RABGAP1L: variants seen among roughly 807,000 people sequenced by gnomAD.
RABGAP1L encodes rab GTPase-activating protein 1-like.
A neutral mutation model predicts 137.7 loss-of-function variants in RABGAP1L; 63 were observed. The ratio of observed to expected loss-of-function variants is 0.46; its 90% CI spans 0.37 to 0.56. The LOEUF (loss-of-function observed/expected upper bound fraction) is 0.56. Among genes scored for constraint, RABGAP1L ranks in the 20% least tolerant of loss-of-function variants. RABGAP1L has a pLI of 0.00. For missense variants in RABGAP1L, 1,095 were observed against 1,244.0 expected, an observed-to-expected ratio of 0.88 and a Z score of 1.80; for synonymous variants, 431 against 433.7, an observed-to-expected ratio of 0.99 and a Z score of 0.08.
intron 1 of RABGAP1L, among the ~76,000 whole-genome samples, chr1:174,183,279 G>A (rs1327218975): frequency 6.6e-6 from 1 of 152,108 alleles, no homozygotes; most frequent in Non-Finnish European, 1.5e-5. Flanking sequence ...TCACTCTTTT[G>A]CCCAGGCCCT....
chr1:174,496,433 C>T (rs1314299614), intron 13 of RABGAP1L, among the ~76,000 whole-genome samples: 2 of 152,154 alleles, frequency 1.3e-5, no homozygotes, highest in Non-Finnish European at 2.9e-5. Context: ...AGAAAGACGA[C>T]CCTCTAAGGG....
At chr1:174,620,076 C>G (rs1672297846) in intron 13 of RABGAP1L, among the ~76,000 whole-genome samples, 1 of 150,036 alleles carries the variant, frequency 6.7e-6, no homozygotes, top group Non-Finnish European at 1.5e-5. Context: ...ATCAATTCAA[C>G]AAGAATAACT....
intron 18 of RABGAP1L, among the ~76,000 whole-genome samples, chr1:174,782,774 G>C (rs1327482619): frequency 6.6e-6 from 1 of 151,956 alleles, no homozygotes; most frequent in Non-Finnish European, 1.5e-5. Flanking sequence ...CTTTAAACAC[G>C]GGGCTTGTAA....
intron 13 of RABGAP1L, chr1:174,544,733 G>GT (rs1324521230): frequency 1.3e-5 from 2 of 152,264 alleles, no homozygotes; most frequent in African/African-American, 4.8e-5. Flanking sequence ...CGTCTTTGTG[G>GT]TTTTATCTAC....
chr1:174,619,535 A>C (rs1572547909), intron 13 of RABGAP1L, among the ~76,000 whole-genome samples: 1 of 152,322 alleles, frequency 6.6e-6, no homozygotes, highest in Middle Eastern at 3.4e-3. Context: ...TATCCAGCCA[A>C]ACTAAGCTTC....
intron 13 of RABGAP1L, among the ~76,000 whole-genome samples, chr1:174,569,443 TG>T (rs1414900815): frequency 1.3e-5 from 2 of 152,154 alleles, no homozygotes; most frequent in African/African-American, 4.8e-5. Flanking sequence ...TGGATCCCTA[TG>T]GAACTTGGAA....
rs1435640520 is a variant in RABGAP1L, at chr1:174,540,169, G to GTT, written c.1711-97205_1711-97204dup. On this transcript the variant is annotated intron_variant, in intron 13 of 25. Transcript: ENST00000681986. The stretch of plus-strand genomic sequence containing the variant: ...GATTTTTTCTTGTAAATTTGTTTAA[G>GTT]TTCTTTGTAGATTCTGGATATTAGC... Among the ~76,000 whole-genome samples, 27 of 152,140 alleles carry GTT rather than the reference G, an allele frequency of 1.8e-4. 1 individual carries two copies. Among genetic ancestry groups the GTT allele is most frequent in the Admixed American group, 1.8e-3 (27 of 15,266 alleles).
chr1:174,483,403 C>T (rs1659316522), intron 13 of RABGAP1L, among the ~76,000 whole-genome samples: 1 of 152,144 alleles, frequency 6.6e-6, no homozygotes, highest in South Asian at 2.1e-4. Flanking sequence ...TCTTTCTGTG[C>T]CTGGCTTATT....
intron 13 of RABGAP1L, among the ~76,000 whole-genome samples, chr1:174,621,229 C>A (rs914417810): frequency 6.6e-6 from 1 of 152,162 alleles, no homozygotes; most frequent in Non-Finnish European, 1.5e-5. Context: ...GAAGAACATT[C>A]CATGCTCATG....
chr1:174,756,333 A>G (rs917608421), intron 18 of RABGAP1L, among the ~76,000 whole-genome samples: 14 of 152,094 alleles, frequency 9.2e-5, no homozygotes, highest in Non-Finnish European at 1.5e-5. Flanking sequence ...TATTTTTAGT[A>G]GAGACGGGGT....
chr1:174,743,819 G>A (rs1173989540), intron 17 of RABGAP1L, among the ~76,000 whole-genome samples: 1 of 151,846 alleles, frequency 6.6e-6, no homozygotes, highest in African/African-American at 2.4e-5. Flanking sequence ...CTAAACAGAT[G>A]CATTCATGTT....
At chr1:174,362,360 G>A (rs998541826) in intron 11 of RABGAP1L, among the ~76,000 whole-genome samples, 1 of 152,190 alleles carries the variant, frequency 6.6e-6, no homozygotes, top group East Asian at 1.9e-4. Context: ...TCGCCACACT[G>A]TCTTCCACAA....
Position 174,552,641 on chromosome 1 carries a change from T to C in RABGAP1L, c.1711-84734T>C, listed in dbSNP as rs140498543. Among the ~76,000 whole-genome samples, 4 of 152,304 alleles carry C rather than the reference T, an allele frequency of 2.6e-5. No individual in the cohort carries two copies. In the East Asian group the frequency reaches 7.7e-4, roughly 29 times the overall value. ...AGTCTATCACTGATGGGCATTTAGGTTCATTCCATGTGTTTGCTTTTGTGA... is the reference window on the plus strand; with the variant it reads ...AGTCTATCACTGATGGGCATTTAGGCTCATTCCATGTGTTTGCTTTTGTGA... On this transcript the variant is annotated intron_variant, in intron 13 of 25. Transcript: ENST00000681986.
At chr1:174,609,486 A>G (rs1185793216) in intron 13 of RABGAP1L, among the ~76,000 whole-genome samples, 2 of 152,130 alleles carry the variant, frequency 1.3e-5, no homozygotes, top group South Asian at 2.1e-4. Flanking sequence ...GGTAGAAGGG[A>G]ATTTCAAACG....
chr1:174,919,869 G>T (rs1661515744), intron 19 of RABGAP1L, among the ~76,000 whole-genome samples: 2 of 151,974 alleles, frequency 1.3e-5, no homozygotes, highest in African/African-American at 2.4e-5. Context: ...AACAAAAAAA[G>T]AATTATTCAA....
At chr1:174,536,576 C>T (rs143084882) in intron 13 of RABGAP1L, among the ~76,000 whole-genome samples, 414 of 152,122 alleles carry the variant, frequency 2.7e-3, no homozygotes, top group Non-Finnish European at 4.1e-3. Context: ...GCAATAATAG[C>T]TTTAACAAAT....
At chr1:174,187,874 A>C (rs1017566147) in intron 1 of RABGAP1L, among the ~76,000 whole-genome samples, 4 of 152,162 alleles carry the variant, frequency 2.6e-5, no homozygotes, top group Non-Finnish European at 5.9e-5. Context: ...CTGGAGAGCC[A>C]AATGGGCCTG....
At chr1:174,466,744 G>A (rs1317661652) in intron 13 of RABGAP1L, among the ~76,000 whole-genome samples, 1 of 152,130 alleles carries the variant, frequency 6.6e-6, no homozygotes, top group Non-Finnish European at 1.5e-5. Context: ...CCAAGATCAC[G>A]CCACTGCACT....
intron 17 of RABGAP1L, among the ~76,000 whole-genome samples, chr1:174,703,478 A>G (rs1437962884): frequency 2.0e-5 from 3 of 152,168 alleles, no homozygotes; most frequent in Non-Finnish European, 4.4e-5. Context: ...TTCTTTATCC[A>G]GTCATCCACT....
Sources: gnomAD v4.1 joint callset for allele counts (sites outside exome capture counted in the v4.1 genomes callset) on GRCh38, gnomAD v4.1.1 for gene constraint, MANE v1.5 for transcripts, NCBI Gene and HGNC (gene_info 2026-07-23, HGNC 2026-07-21) for gene names.